Variants in SPATA13 observed in about 807,000 individuals in gnomAD.
The protein encoded by SPATA13 is spermatogenesis-associated protein 13.
SPATA13 carries 50 observed loss-of-function variants against 104.0 expected under a neutral mutation model. The ratio of observed to expected loss-of-function variants is 0.48; its 90% CI spans 0.38 to 0.61. SPATA13 has a LOEUF of 0.61. Among genes scored for constraint, SPATA13 ranks in the 20% least tolerant of loss-of-function variants. The pLI, the probability that SPATA13 is intolerant of heterozygous loss-of-function variation, is 0.00. For synonymous variants in SPATA13, 606 were observed against 667.5 expected (o/e 0.91, Z 1.42); for missense variants, 1,524 against 1,690.6 (o/e 0.90, Z 1.73).
At chr13:23,980,118 T>TG in intron 1 of SPATA13, among the ~76,000 whole-genome samples, 1 of 152,006 alleles carries the variant, frequency 6.6e-6, no homozygotes, top group South Asian at 2.1e-4. Flanking sequence ...GAAGTTGTCA[T>TG]GGCCGAGCTT....
chr13:24,212,218 T>C (rs7333647), intron 1 of SPATA13, among the ~76,000 whole-genome samples: 49,928 of 148,438 alleles, frequency 0.34, 9,004 homozygotes, highest in African/African-American at 0.47. Context: ...TTCAGGGCTG[T>C]GGGGAGCTGT....
At chr13:24,069,171 A>T (rs1018806350) in intron 3 of SPATA13, among the ~76,000 whole-genome samples, 1 of 152,170 alleles carries the variant, frequency 6.6e-6, no homozygotes, top group Non-Finnish European at 1.5e-5. Flanking sequence ...TCTCAATGGT[A>T]GTTCAATAGG....
At chr13:24,216,358 A>G (rs1240022781) in intron 1 of SPATA13, among the ~76,000 whole-genome samples, 2 of 152,190 alleles carry the variant, frequency 1.3e-5, no homozygotes, top group African/African-American at 4.8e-5. Flanking sequence ...ATGAATCCCT[A>G]TTGGGGAAAC....
intron 3 of SPATA13, among the ~76,000 whole-genome samples, chr13:24,142,359 G>A (rs1352854876): frequency 6.6e-6 from 1 of 152,122 alleles, no homozygotes; most frequent in Non-Finnish European, 1.5e-5. Flanking sequence ...ATTCCAGTCA[G>A]TTGTCAAACT....
chr13:24,054,886 C>T (rs1029051423), intron 3 of SPATA13, among the ~76,000 whole-genome samples: 53 of 152,190 alleles, frequency 3.5e-4, no homozygotes, highest in Admixed American at 3.4e-3. Flanking sequence ...ACAATAACAG[C>T]GCTCACTTCT....
At chr13:24,072,825 CTTTTTTT>C (rs11353469) in intron 3 of SPATA13, among the ~76,000 whole-genome samples, 1 of 120,672 alleles carries the variant, frequency 8.3e-6, no homozygotes, top group Non-Finnish European at 1.7e-5. Flanking sequence ...CTGTTGGCTC[CTTTTTTT>C]TTTTTTTTTT....
chr13:24,168,454 C>T (rs1882832898), intron 1 of SPATA13, among the ~76,000 whole-genome samples: 1 of 152,162 alleles, frequency 6.6e-6, no homozygotes, highest in Non-Finnish European at 1.5e-5. Context: ...GTTAAATTGG[C>T]CCCAGTACAC....
In SPATA13 at chr13:24,103,574, T is replaced by TA. The variant is rs560119004; in HGVS notation, c.-112+85879dup. Among the ~76,000 whole-genome samples the TA allele has an allele frequency of 1.7e-3, 244 of 144,016 alleles. 3 individuals are homozygous for TA. The highest frequency in any genetic ancestry group is 6.0e-3 in the African/African-American group (233 of 38,688). 94.5% of individuals were successfully genotyped at this position (144,016 alleles called of 152,430 possible). Reference sequence around the variant, plus strand: ...GAGAGAGAGAAGAAAATACATATGGTAAAAAATGCCTGCCAGAGCACCAAA... The same window carrying TA: ...GAGAGAGAGAAGAAAATACATATGGTAAAAAAATGCCTGCCAGAGCACCAAA... On this transcript the variant is annotated intron_variant, in intron 3 of 14. Coordinates refer to the SPATA13 transcript ENST00000424834.
rs151239162 is a variant in SPATA13, at chr13:24,241,567, C to T, written c.1654-7910C>T. Among the ~76,000 whole-genome samples the T allele has an allele frequency of 1.1e-4, 16 of 152,362 alleles. No homozygotes were observed. In the East Asian group the frequency reaches 3.1e-3, roughly 29 times the overall value. On this transcript the variant is annotated intron_variant, in intron 2 of 12. Coordinates refer to ENST00000382108, the MANE Select transcript of SPATA13 (RefSeq NM_001166271.3). The stretch of plus-strand genomic sequence containing the variant: ...TCCCCTCACAGTGGTTGTTCCTCAG[C>T]TTGCCTAAGTGATGCACGGAGTGAT...
intron 3 of SPATA13, among the ~76,000 whole-genome samples, chr13:24,060,584 G>C (rs1878737942): frequency 2.0e-5 from 3 of 152,174 alleles, no homozygotes; most frequent in Admixed American, 2.0e-4. Context: ...TTGACAAATA[G>C]GATCTAATTA....
At chr13:24,067,472 C>A (rs568144548) in intron 3 of SPATA13, among the ~76,000 whole-genome samples, 1 of 152,210 alleles carries the variant, frequency 6.6e-6, no homozygotes, top group East Asian at 1.9e-4. Context: ...AAATACCAAG[C>A]CCACGTTTTT....
chr13:24,012,711 G>A (rs988991495), intron 2 of SPATA13, among the ~76,000 whole-genome samples: 11 of 152,274 alleles, frequency 7.2e-5, no homozygotes, highest in African/African-American at 2.7e-4. Flanking sequence ...TGTGATTACA[G>A]CACCTGCCTT....
At chr13:24,122,802 C>T (rs564387767) in intron 3 of SPATA13, 16 of 778,052 alleles carry the variant, frequency 2.1e-5, no homozygotes, top group Admixed American at 1.0e-4. Flanking sequence ...TGGAGACTCT[C>T]GTTGTCATGT....
intron 1 of SPATA13, among the ~76,000 whole-genome samples, chr13:24,210,811 A>G (rs773114180): frequency 6.9e-6 from 1 of 144,486 alleles, no homozygotes; most frequent in Non-Finnish European, 1.5e-5. Flanking sequence ...TAGCCATGGC[A>G]TTGAATCTGT....
chr13:24,297,382 G>A lies in SPATA13; in HGVS notation c.3230G>A (p.Arg1077Gln), dbSNP rs767260316. Residue 1077 changes from arginine to glutamine, a missense_variant, in exon 11 of 13, where the codon CGA becomes CAA. Arg to Gln is a conservative substitution (Grantham distance 43). Coordinates refer to ENST00000382108, the MANE Select transcript of SPATA13 (RefSeq NM_001166271.3). ...VGWEGLDILD[R>Q]SSELIHSGEL... The stretch of plus-strand genomic sequence containing the variant: ...TTCCAGGGACTGGATATCTTAGACC[G>A]AAGCTCAGAATTGATTCATTCTGGG... The A allele has an allele frequency of 9.9e-6, 16 of 1,610,734 alleles. No homozygotes were observed. In the Admixed American group the frequency reaches 1.2e-4, roughly 12 times the overall value.
At chr13:24,217,320 A>G (rs370779163) in intron 1 of SPATA13, among the ~76,000 whole-genome samples, 7 of 152,174 alleles carry the variant, frequency 4.6e-5, no homozygotes, top group African/African-American at 1.7e-4. Flanking sequence ...TTTTATTACA[A>G]TTCTTCTTCC....
At chr13:24,265,812 A>G (rs1874273063) in intron 4 of SPATA13, among the ~76,000 whole-genome samples, 1 of 152,092 alleles carries the variant, frequency 6.6e-6, no homozygotes, top group African/African-American at 2.4e-5. Flanking sequence ...GTGGGGACAT[A>G]AAGTTCCAAG....
intron 3 of SPATA13, among the ~76,000 whole-genome samples, chr13:24,044,097 G>A (rs1281191076): frequency 3.9e-5 from 6 of 152,218 alleles, no homozygotes; most frequent in African/African-American, 1.4e-4. Flanking sequence ...CCGGAAGGTG[G>A]AGGGCTCCTG....
chr13:24,096,554 G>A (rs540397861), intron 3 of SPATA13, among the ~76,000 whole-genome samples: 4 of 152,246 alleles, frequency 2.6e-5, no homozygotes, highest in South Asian at 4.1e-4. Context: ...AGCCAAGATC[G>A]CACCACAGCC....
Sources: gnomAD v4.1 joint callset for allele counts (sites outside exome capture counted in the v4.1 genomes callset) on GRCh38, gnomAD v4.1.1 for gene constraint, MANE v1.5 for transcripts, NCBI Gene and HGNC (gene_info 2026-07-23, HGNC 2026-07-21) for gene names.